The following CDS1 variants were observed in gnomAD, a reference collection of about 807,000 sequenced individuals.
CDS1 encodes CDP-diacylglycerol synthase 1.
A neutral mutation model predicts 62.1 loss-of-function variants in CDS1; 41 were observed. That is an observed-to-expected ratio of 0.66 (90% CI 0.51 to 0.86). The LOEUF (loss-of-function observed/expected upper bound fraction) is 0.86, where lower values mean the gene tolerates loss of function less well. Ranked by LOEUF, CDS1 falls within the 40% of genes least tolerant of loss-of-function variation. The pLI is 0.00. For synonymous variants in CDS1, 185 were observed against 192.6 expected, an observed-to-expected ratio of 0.96 and a Z score of 0.32; for missense variants, 470 against 550.1, an observed-to-expected ratio of 0.85 and a Z score of 1.46.
chr4:84,628,419 T>C (rs1054153334), intron 5 of CDS1, among the ~76,000 whole-genome samples: 20 of 152,226 alleles, frequency 1.3e-4, no homozygotes, highest in Non-Finnish European at 2.9e-4. Flanking sequence ...AATATTTTTT[T>C]ATCTATTTTT....
chr4:84,593,536 G>A (rs1455466212), intron 1 of CDS1, among the ~76,000 whole-genome samples: 1 of 150,350 alleles, frequency 6.7e-6, no homozygotes, highest in Non-Finnish European at 1.5e-5. Flanking sequence ...ATAGAGTCTT[G>A]CTCTGTCACC....
intron 10 of CDS1, among the ~76,000 whole-genome samples, chr4:84,642,720 A>T (rs1207167510): frequency 6.6e-6 from 1 of 152,188 alleles, no homozygotes; most frequent in Non-Finnish European, 1.5e-5. Context: ...AACACAGCTG[A>T]TTCTTTGTAA....
intron 8 of CDS1, 57 bp downstream of exon 8, chr4:84,635,408 AGAACATTTCCAACAACTGTGCTG>A (rs1724153650): frequency 9.4e-6 from 8 of 847,590 alleles, no homozygotes; most frequent in Admixed American, 8.3e-5. Flanking sequence ...TAGCCACTGG[AGAACATTTCCAACAACTGTGCTG>A]TTGTGCATTT....
chr4:84,620,564 T>C (rs1042959733), intron 5 of CDS1, among the ~76,000 whole-genome samples: 1 of 151,944 alleles, frequency 6.6e-6, no homozygotes, highest in African/African-American at 2.4e-5. Flanking sequence ...TGCAACTGTT[T>C]ATAGTATGCT....
At position 84,631,874 on chromosome 4, in the gene CDS1, T is replaced by C; in HGVS notation, c.636T>C (p.Tyr212=). 6.2e-7 allele frequency: 1 copy of C among 1,600,150 alleles called. No homozygotes were observed. Among genetic ancestry groups the C allele is most frequent in the Non-Finnish European group, 8.6e-7 (1 of 1,167,518 alleles). ...AGAAACATTATCGTCTGCAGTTTTA[T>C]ATGGTGTGTATTAACTATTATTCCT... The part of the protein sequence containing the change: ...LVKKHYRLQF[Y]MFAWTHVTLL... The change falls in exon 6 of 13, where the codon TAT becomes TAC. Residue 212 remains tyrosine, a synonymous_variant. Coordinates refer to ENST00000295887, the MANE Select transcript of CDS1 (RefSeq NM_001263.4).
intron 6 of CDS1, 116 bp downstream of exon 6, chr4:84,631,993 A>G (rs1312178946): frequency 7.8e-6 from 5 of 640,516 alleles, no homozygotes; most frequent in Non-Finnish European, 1.4e-5. Context: ...CATGAATGTG[A>G]GGGATACTTG....
intron 1 of CDS1, among the ~76,000 whole-genome samples, chr4:84,588,286 C>T (rs2110031653): frequency 6.6e-6 from 1 of 152,284 alleles, no homozygotes; most frequent in East Asian, 1.9e-4. Flanking sequence ...ATCCAGAGAT[C>T]AGTTAACGTC....
At chr4:84,589,155 C>T (rs906706465) in intron 1 of CDS1, among the ~76,000 whole-genome samples, 2 of 152,136 alleles carry the variant, frequency 1.3e-5, no homozygotes, top group Admixed American at 6.6e-5. Context: ...ATGTACTTTT[C>T]ACCGACTTTC....
intron 1 of CDS1, among the ~76,000 whole-genome samples, chr4:84,590,100 C>T (rs535748944): frequency 1.8e-3 from 270 of 152,244 alleles, no homozygotes; most frequent in Non-Finnish European, 2.9e-3. Flanking sequence ...CATGAGCCAC[C>T]TCACCCAGCC....
chr4:84,645,356 G>A, intron 12 of CDS1, 31 bp downstream of exon 12: 1 of 1,304,658 alleles, frequency 7.7e-7, no homozygotes, highest in Non-Finnish European at 1.1e-6. Flanking sequence ...TTTTTTAGAT[G>A]ATTTCTTTGA....
intron 6 of CDS1, among the ~76,000 whole-genome samples, chr4:84,632,417 G>A (rs763719875): frequency 5.9e-5 from 9 of 152,142 alleles, no homozygotes; most frequent in South Asian, 2.1e-4. Flanking sequence ...TTAAACTGTA[G>A]CTAGTACAAC....
intron 8 of CDS1, 73 bp downstream of exon 8, chr4:84,635,424 CT>C (rs1724154207): frequency 2.5e-6 from 2 of 796,486 alleles, no homozygotes; most frequent in Admixed American, 4.2e-5. Flanking sequence ...TTTCCAACAA[CT>C]GTGCTGTTGT....
chr4:84,595,665 T>C (rs1722726700), intron 1 of CDS1, among the ~76,000 whole-genome samples: 1 of 152,232 alleles, frequency 6.6e-6, no homozygotes, highest in South Asian at 2.1e-4. Flanking sequence ...GGAGGCATTA[T>C]TTATCTTAGC....
At chr4:84,596,203 C>G (rs770639086) in intron 1 of CDS1, among the ~76,000 whole-genome samples, 1 of 152,148 alleles carries the variant, frequency 6.6e-6, no homozygotes, top group Non-Finnish European at 1.5e-5. Context: ...TGTTGGCATG[C>G]GAAGAGTTGC....
At chr4:84,592,999 A>G (rs1355774944) in intron 1 of CDS1, among the ~76,000 whole-genome samples, 1 of 152,188 alleles carries the variant, frequency 6.6e-6, no homozygotes, top group Non-Finnish European at 1.5e-5. Flanking sequence ...GCCCATCTGG[A>G]AGTTCACATT....
At chr4:84,602,809 T>G (rs1178147447) in intron 1 of CDS1, among the ~76,000 whole-genome samples, 2 of 152,140 alleles carry the variant, frequency 1.3e-5, no homozygotes, top group Non-Finnish European at 2.9e-5. Flanking sequence ...TCTGGTTGTT[T>G]ATTAGTTACC....
In CDS1 at chr4:84,648,673, C is replaced by T. The variant is rs1362668324; in HGVS notation, c.1373C>T (p.Thr458Ile). The part of the protein sequence containing the change: ...HLIEKGILQP[T>I]LKV ...ATTGAGAAAGGAATCCTACAACCCA[C>T]CTTGAAGGTATAACTGGATCCAGAG... The change falls in exon 13 of 13, where the codon ACC becomes ATC. Residue 458 changes from threonine (T) to isoleucine (I), a missense_variant. Thr to Ile is a moderately conservative substitution (Grantham distance 89, BLOSUM62 -1). Coordinates refer to ENST00000295887, the MANE Select transcript of CDS1 (RefSeq NM_001263.4). 1 of 1,612,536 alleles carries T rather than the reference C, an allele frequency of 6.2e-7. No individual in the cohort carries two copies. Among genetic ancestry groups the T allele is most frequent in the Non-Finnish European group, 8.5e-7 (1 of 1,179,246 alleles).
At chr4:84,633,171 A>C (rs910606880) in intron 6 of CDS1, among the ~76,000 whole-genome samples, 1 of 152,212 alleles carries the variant, frequency 6.6e-6, no homozygotes, top group African/African-American at 2.4e-5. Flanking sequence ...AGAATTTTTA[A>C]AAGTAATTTT....
At chr4:84,590,930 G>C (rs1039669864) in intron 1 of CDS1, among the ~76,000 whole-genome samples, 3 of 152,176 alleles carry the variant, frequency 2.0e-5, no homozygotes, top group African/African-American at 7.2e-5. Flanking sequence ...CAAGTGGCTC[G>C]AAGAGGTAAT....
Sources: gnomAD v4.1 joint callset for allele counts (sites outside exome capture counted in the v4.1 genomes callset) on GRCh38, gnomAD v4.1.1 for gene constraint, MANE v1.5 for transcripts, NCBI Gene and HGNC (gene_info 2026-07-23, HGNC 2026-07-21) for gene names.